Variants in ZCCHC7 observed in about 807,000 individuals in gnomAD.
The protein encoded by ZCCHC7 is zinc finger CCHC-type containing 7.
ZCCHC7 carries 35 observed loss-of-function variants against 52.0 expected under a neutral mutation model. That is an observed-to-expected ratio of 0.67 (90% CI 0.51 to 0.89). The LOEUF (loss-of-function observed/expected upper bound fraction) is 0.89, where lower values mean the gene tolerates loss of function less well. ZCCHC7 is among the 40% of genes least tolerant of loss of function. The pLI, the probability that ZCCHC7 is intolerant of heterozygous loss-of-function variation, is 0.00. For missense variants in ZCCHC7, 574 were observed against 649.1 expected, an observed-to-expected ratio of 0.88 and a Z score of 1.26; for synonymous variants, 217 against 221.5, an observed-to-expected ratio of 0.98 and a Z score of 0.18.
chr9:37,149,368 C>T, intron 2 of ZCCHC7, among the ~76,000 whole-genome samples: 1 of 152,066 alleles, frequency 6.6e-6, no homozygotes, highest in East Asian at 1.9e-4. Context: ...AAACATTGTA[C>T]ACTTTTGGGG....
At chr9:37,307,893 A>G (rs984619358) in intron 5 of ZCCHC7, among the ~76,000 whole-genome samples, 7 of 152,188 alleles carry the variant, frequency 4.6e-5, no homozygotes, top group African/African-American at 1.7e-4. Context: ...GTCATATTTT[A>G]TAAATGGAAT....
intron 2 of ZCCHC7, among the ~76,000 whole-genome samples, chr9:37,168,078 C>G (rs1821525748): frequency 2.6e-5 from 4 of 152,106 alleles, no homozygotes; most frequent in African/African-American, 9.7e-5. Flanking sequence ...TTCCTGGGTT[C>G]TCATCCCTTT....
intron 2 of ZCCHC7, among the ~76,000 whole-genome samples, chr9:37,216,335 T>A (rs1031321066): frequency 1.3e-5 from 2 of 152,194 alleles, no homozygotes; most frequent in African/African-American, 4.8e-5. Context: ...GACATTATTT[T>A]ATTTATACCT....
In ZCCHC7 at chr9:37,126,946, A is replaced by T; in HGVS notation, c.610+4A>T. ...TGTGAAAACTCTGTTACTGAAGGTT[A>T]GTATCATATTGGCCATTTTGAAAGT... On this transcript the variant is annotated splice_donor_region_variant and intron_variant, in intron 2 of 8. Coordinates refer to ENST00000336755, the MANE Select transcript of ZCCHC7 (RefSeq NM_032226.3). The T allele has an allele frequency of 6.2e-7, 1 of 1,611,644 alleles. No homozygotes were observed. Among genetic ancestry groups the T allele is most frequent in the South Asian group, 1.1e-5 (1 of 90,948 alleles).
chr9:37,321,990 A>G (rs1328367443), intron 5 of ZCCHC7, among the ~76,000 whole-genome samples: 1 of 152,134 alleles, frequency 6.6e-6, no homozygotes, highest in Non-Finnish European at 1.5e-5. Flanking sequence ...GGCAGTTGTA[A>G]TGGAGGGATG....
intron 5 of ZCCHC7, among the ~76,000 whole-genome samples, chr9:37,324,199 A>C (rs1327052970): frequency 6.6e-6 from 1 of 152,226 alleles, no homozygotes; most frequent in East Asian, 1.9e-4. Flanking sequence ...ACAAAGCACC[A>C]GAGGATTCTG....
At chr9:37,265,701 C>T (rs1163789225) in intron 2 of ZCCHC7, among the ~76,000 whole-genome samples, 2 of 152,158 alleles carry the variant, frequency 1.3e-5, no homozygotes, top group Admixed American at 6.6e-5. Flanking sequence ...GACTGATCTT[C>T]CTAAAATAGA....
intron 2 of ZCCHC7, among the ~76,000 whole-genome samples, chr9:37,164,883 T>A (rs1409338343): frequency 6.6e-6 from 1 of 152,202 alleles, no homozygotes; most frequent in Non-Finnish European, 1.5e-5. Context: ...TGTATAGATT[T>A]TAAGTGTAGT....
chr9:37,355,906 A>G (rs1375075243), intron 8 of ZCCHC7, among the ~76,000 whole-genome samples: 5 of 152,226 alleles, frequency 3.3e-5, no homozygotes, highest in Non-Finnish European at 7.3e-5. Flanking sequence ...TTGCATGAAA[A>G]TGTCATCTCT....
At position 37,268,957 on chromosome 9, in the gene ZCCHC7, A is replaced by G. The variant is rs1482076003; in HGVS notation, c.611-33231A>G. ...GTAGTATGAGAGTGTATAATATTCT[A>G]ACGTAGTATGGAGGCCAAGGAAGGC... On this transcript the variant is annotated intron_variant, in intron 2 of 8. Transcript: ENST00000336755. Among the ~76,000 whole-genome samples, 3 of 152,230 alleles carry G rather than the reference A, an allele frequency of 2.0e-5. No homozygotes were observed. The East Asian group carries it at 5.8e-4, about 29-fold the overall frequency.
At chr9:37,270,998 G>A (rs567057287) in intron 2 of ZCCHC7, among the ~76,000 whole-genome samples, 6 of 152,164 alleles carry the variant, frequency 3.9e-5, no homozygotes, top group South Asian at 2.1e-4. Flanking sequence ...TGAGGGGGAG[G>A]TTTTCCTTTA....
intron 6 of ZCCHC7, among the ~76,000 whole-genome samples, chr9:37,349,138 A>C (rs1483857415): frequency 2.6e-5 from 4 of 152,226 alleles, no homozygotes; most frequent in Non-Finnish European, 5.9e-5. Flanking sequence ...TTGAATGAGG[A>C]GGGAAGAAGG....
chr9:37,306,633 TTTTTTA>T (rs1829325244), intron 5 of ZCCHC7, among the ~76,000 whole-genome samples: 1 of 149,388 alleles, frequency 6.7e-6, no homozygotes, highest in South Asian at 2.1e-4. Flanking sequence ...ACCTGGCTAA[TTTTTTA>T]TTTTTAGTAG....
At chr9:37,159,761 A>G (rs1012442441) in intron 2 of ZCCHC7, among the ~76,000 whole-genome samples, 2 of 152,238 alleles carry the variant, frequency 1.3e-5, no homozygotes, top group Non-Finnish European at 2.9e-5. Flanking sequence ...TCTGTATTCT[A>G]AAATCTCCCA....
At chr9:37,138,699 A>ATTTT (rs538339919) in intron 2 of ZCCHC7, among the ~76,000 whole-genome samples, 1 of 134,066 alleles carries the variant, frequency 7.5e-6, no homozygotes, top group African/African-American at 2.7e-5. Flanking sequence ...ACAGGTTTGT[A>ATTTT]TTTTTTTTTT....
intron 2 of ZCCHC7, among the ~76,000 whole-genome samples, chr9:37,273,159 A>C (rs927485085): frequency 6.6e-6 from 1 of 152,224 alleles, no homozygotes; most frequent in Non-Finnish European, 1.5e-5. Context: ...AGTTGGCAAC[A>C]GAGACATTAT....
intron 2 of ZCCHC7, among the ~76,000 whole-genome samples, chr9:37,249,665 G>A (rs1342836731): frequency 6.6e-6 from 1 of 151,766 alleles, no homozygotes; most frequent in African/African-American, 2.4e-5. Context: ...TGGCCAGGGT[G>A]GTCTCAATCT....
At chr9:37,225,231 A>G (rs943481896) in intron 2 of ZCCHC7, among the ~76,000 whole-genome samples, 3 of 152,208 alleles carry the variant, frequency 2.0e-5, no homozygotes, top group East Asian at 1.9e-4. Context: ...GATGAAATGG[A>G]CAAATTCCTT....
intron 5 of ZCCHC7, among the ~76,000 whole-genome samples, chr9:37,321,454 T>G (rs931595948): frequency 6.6e-6 from 1 of 152,176 alleles, no homozygotes; most frequent in African/African-American, 2.4e-5. Flanking sequence ...AGTAAAGTTC[T>G]AAACTTTCAC....
Sources: allele counts gnomAD v4.1 joint callset (sites outside exome capture counted in the v4.1 genomes callset), GRCh38; gene constraint gnomAD v4.1.1; transcripts MANE v1.5; gene names NCBI Gene and HGNC (gene_info 2026-07-23, HGNC 2026-07-21).